SLC12A1: variants seen among roughly 807,000 people sequenced by gnomAD.
The protein encoded by SLC12A1 is solute carrier family 12 member 1, also known as Na-K-2Cl cotransporter.
A neutral mutation model predicts 130.4 loss-of-function variants in SLC12A1; 89 were observed. The ratio of observed to expected loss-of-function variants is 0.68; its 90% CI spans 0.58 to 0.81. SLC12A1 has a LOEUF of 0.81. SLC12A1 is among the 40% of genes least tolerant of loss of function. SLC12A1 has a pLI of 0.00. For synonymous variants in SLC12A1, 499 were observed against 460.0 expected (o/e 1.08, Z -1.09); for missense variants, 1,310 against 1,336.4 (o/e 0.98, Z 0.31).
At chr15:48,256,822 G>GCA (rs2041712576) in intron 16 of SLC12A1, among the ~76,000 whole-genome samples, 1 of 120,150 alleles carries the variant, frequency 8.3e-6, no homozygotes, top group African/African-American at 3.2e-5. Flanking sequence ...TCCATCCCTG[G>GCA]CCCCCCCCCC....
chr15:48,246,618 T>C (rs2041583700), intron 11 of SLC12A1, among the ~76,000 whole-genome samples: 1 of 152,088 alleles, frequency 6.6e-6, no homozygotes, highest in Non-Finnish European at 1.5e-5. Context: ...CCGTCTCTAC[T>C]AGAAATACAA....
intron 20 of SLC12A1, among the ~76,000 whole-genome samples, chr15:48,283,804 A>G (rs1434457826): frequency 1.3e-5 from 2 of 152,190 alleles, no homozygotes; most frequent in Admixed American, 6.5e-5. Flanking sequence ...CTCATTTTCT[A>G]AGGCTCTGTT....
chr15:48,221,311 A>G, intron 4 of SLC12A1: 1 of 701,836 alleles, frequency 1.4e-6, no homozygotes, highest in Non-Finnish European at 2.6e-6. Context: ...TGGGGGACAT[A>G]TTGACATTTG....
At chr15:48,302,036 T>C (rs1182015961) in intron 26 of SLC12A1, among the ~76,000 whole-genome samples, 1 of 152,174 alleles carries the variant, frequency 6.6e-6, no homozygotes, top group East Asian at 1.9e-4. Context: ...AAAGACATTG[T>C]AGAATGGTCT....
At chr15:48,216,692 T>G (rs1293274519) in intron 2 of SLC12A1, among the ~76,000 whole-genome samples, 1 of 152,160 alleles carries the variant, frequency 6.6e-6, no homozygotes, top group Admixed American at 6.5e-5. Flanking sequence ...CAAATCAAAC[T>G]AAATAAATAG....
rs953113623 is a variant in SLC12A1, at chr15:48,301,171, T to G, written c.3097-144T>G. On this transcript the variant is annotated intron_variant, in intron 25 of 26. Coordinates refer to ENST00000380993, the MANE Select transcript of SLC12A1 (RefSeq NM_000338.3). ...TTTCTCATGAGGTTTTAAAACACCATAAGTTTCTAAGCCTGAAAAAGTAAT... is the reference window on the plus strand; with the variant it reads ...TTTCTCATGAGGTTTTAAAACACCAGAAGTTTCTAAGCCTGAAAAAGTAAT... 3.1e-5 allele frequency: 21 copies of G among 672,882 alleles called. No individual in the cohort carries two copies. The Middle Eastern group carries it at 1.4e-3, about 43-fold the overall frequency. 41.7% of individuals were successfully genotyped at this position (672,882 alleles called of 1,614,324 possible).
At chr15:48,217,730 G>A (rs981541805) in intron 2 of SLC12A1, 2 of 152,168 alleles carry the variant, frequency 1.3e-5, no homozygotes, top group Admixed American at 6.6e-5. Context: ...TAAGAAACTA[G>A]GATATCTGCT....
At position 48,286,829 on chromosome 15, in the gene SLC12A1, G is replaced by A. The variant is rs916814069; in HGVS notation, c.2630-1214G>A. Reference sequence around the variant, plus strand: ...GTCAACTCTTTTGAGTTCTAGACGAGAACCAATCCTGCCTCCAGGTACCTG... The same window carrying A: ...GTCAACTCTTTTGAGTTCTAGACGAAAACCAATCCTGCCTCCAGGTACCTG... On this transcript the variant is annotated intron_variant, in intron 21 of 26. Transcript: ENST00000380993. Among the ~76,000 whole-genome samples, 5 of 152,268 alleles carry A rather than the reference G, an allele frequency of 3.3e-5. No homozygotes were observed. The South Asian group carries it at 6.2e-4, about 19-fold the overall frequency.
chr15:48,256,258 G>T (rs558332277), intron 16 of SLC12A1, among the ~76,000 whole-genome samples: 1 of 152,326 alleles, frequency 6.6e-6, no homozygotes, highest in African/African-American at 2.4e-5. Context: ...AGGCTTTAGG[G>T]CTTACTGAAT....
rs756371648 is a variant in SLC12A1, at chr15:48,285,200, G to C, written c.2580G>C (p.Leu860Phe). Residue 860 changes from leucine to phenylalanine, a missense_variant, in exon 21 of 27, where the codon TTG (leucine) becomes TTC (phenylalanine). By Grantham distance (22) the Leu-to-Phe change is conservative (BLOSUM62 0). Coordinates refer to ENST00000380993, the MANE Select transcript of SLC12A1 (RefSeq NM_000338.3). ...CEEESGGIRG[L>F]FKKAGKLNIT... ...AGGAAAGTGGAGGCATCCGAGGCTT[G>C]TTTAAAAAAGCTGGCAAGTTGAACA... The C allele has an allele frequency of 6.2e-7, 1 of 1,613,868 alleles. No individual in the cohort carries two copies. Among genetic ancestry groups the C allele is most frequent in the Non-Finnish European group, 8.5e-7 (1 of 1,179,822 alleles).
At chr15:48,232,895 C>G (rs1777420003) in intron 8 of SLC12A1, 57 bp downstream of exon 8, 5 of 1,035,926 alleles carry the variant, frequency 4.8e-6, no homozygotes, top group Admixed American at 1.8e-5. Flanking sequence ...CCCTCCTCAT[C>G]ACCATCCCCA....
chr15:48,239,843 G>T (rs1262499909), intron 9 of SLC12A1, among the ~76,000 whole-genome samples: 5 of 151,446 alleles, frequency 3.3e-5, no homozygotes, highest in Non-Finnish European at 7.4e-5. Context: ...TAGAGATGGG[G>T]TTTCGCCATG....
intron 9 of SLC12A1, among the ~76,000 whole-genome samples, chr15:48,239,729 C>A (rs2041480727): frequency 6.6e-6 from 1 of 151,528 alleles, no homozygotes; most frequent in Non-Finnish European, 1.5e-5. Flanking sequence ...CGGCTCACTG[C>A]AACCTTCGCC....
intron 22 of SLC12A1, 23 bp downstream of exon 22, chr15:48,288,197 C>T (rs2042080185): frequency 1.3e-6 from 2 of 1,599,558 alleles, no homozygotes; most frequent in South Asian, 1.1e-5. Context: ...AGAAAATACA[C>T]TAGGGACAAG....
At chr15:48,298,405 T>C (rs2042199454) in intron 24 of SLC12A1, among the ~76,000 whole-genome samples, 1 of 152,380 alleles carries the variant, frequency 6.6e-6, no homozygotes, top group Admixed American at 6.5e-5. Context: ...GCTAGTTTTC[T>C]CCTCAGCGAT....
At chr15:48,216,831 G>A (rs72737960) in intron 2 of SLC12A1, among the ~76,000 whole-genome samples, 2,047 of 152,228 alleles carry the variant, frequency 0.013, 18 homozygotes, top group Non-Finnish European at 0.018. Flanking sequence ...TTCAGCTGCC[G>A]TATGTGTATA....
intron 18 of SLC12A1, 105 bp from the exon 19 acceptor site, chr15:48,269,553 T>G: frequency 1.8e-6 from 1 of 569,800 alleles, no homozygotes. Flanking sequence ...ATCTTCAGGA[T>G]CTTCAGAACA....
At chr15:48,217,191 C>T (rs951674406) in intron 2 of SLC12A1, among the ~76,000 whole-genome samples, 9 of 152,170 alleles carry the variant, frequency 5.9e-5, no homozygotes, top group Admixed American at 2.6e-4. Context: ...TGGGGTGCAA[C>T]TATTGCTAAT....
In SLC12A1 at chr15:48,226,555, C is replaced by G; in HGVS notation, c.708C>G (p.Asn236Lys). 6.2e-7 allele frequency: 1 copy of G among 1,606,336 alleles called. No homozygotes were observed. ...TGLSTSAIAT[N>K]GFVRGGGAYY... ...TGTCAACTTCTGCGATAGCAACTAA[C>G]GGGTTTGTTCGTGGAGGTAAAATCT... The change falls in exon 5 of 27, where the codon AAC becomes AAG. Residue 236 changes from asparagine to lysine, a missense_variant. Asn to Lys is a moderately conservative substitution (Grantham distance 94, BLOSUM62 0). Coordinates refer to ENST00000380993, the MANE Select transcript of SLC12A1 (RefSeq NM_000338.3).
Sources: gnomAD v4.1 joint callset for allele counts (sites outside exome capture counted in the v4.1 genomes callset) on GRCh38, gnomAD v4.1.1 for gene constraint, MANE v1.5 for transcripts, NCBI Gene and HGNC (gene_info 2026-07-23, HGNC 2026-07-21) for gene names.